The following PTPRM variants were observed in gnomAD, a reference collection of about 807,000 sequenced individuals.
PTPRM encodes receptor-type tyrosine-protein phosphatase mu.
In PTPRM, 47 loss-of-function variants were observed where a neutral mutation model predicts 186.7. That is an observed-to-expected ratio of 0.25 (90% CI 0.20 to 0.32). The LOEUF is 0.32. Among genes scored for constraint, PTPRM ranks in the 10% least tolerant of loss-of-function variants. PTPRM has a pLI of 1.00. For synonymous variants in PTPRM, 668 were observed against 674.9 expected (o/e 0.99, Z 0.16); for missense variants, 1,494 against 1,865.0 (o/e 0.80, Z 3.66).
chr18:8,107,903 C>T (rs2091594122), intron 11 of PTPRM, among the ~76,000 whole-genome samples: 1 of 152,156 alleles, frequency 6.6e-6, no homozygotes, highest in Non-Finnish European at 1.5e-5. Flanking sequence ...TAATAACAAA[C>T]ACTGAATTCT....
intron 2 of PTPRM, among the ~76,000 whole-genome samples, chr18:7,849,366 C>T (rs2046755080): frequency 6.6e-6 from 1 of 152,230 alleles, no homozygotes; most frequent in Admixed American, 6.5e-5. Flanking sequence ...TGTGCTCATT[C>T]CCTGCCCTGG....
At chr18:8,150,355 T>G (rs1198615081) in intron 14 of PTPRM, among the ~76,000 whole-genome samples, 1 of 152,222 alleles carries the variant, frequency 6.6e-6, no homozygotes, top group East Asian at 1.9e-4. Context: ...TTTTATTCTT[T>G]TTTTCTCTAA....
intron 1 of PTPRM, among the ~76,000 whole-genome samples, chr18:7,608,847 G>T (rs2143827680): frequency 6.6e-6 from 1 of 152,240 alleles, no homozygotes; most frequent in Middle Eastern, 3.4e-3. Context: ...GAGCAGGGTG[G>T]GGTATGGGAT....
intron 22 of PTPRM, among the ~76,000 whole-genome samples, chr18:8,319,631 A>G (rs557616220): frequency 2.8e-4 from 42 of 152,326 alleles, no homozygotes; most frequent in Non-Finnish European, 4.6e-4. Flanking sequence ...ATGTGCAGTC[A>G]CCTGTATGTA....
chr18:7,766,565 G>C (rs989800786), intron 1 of PTPRM, among the ~76,000 whole-genome samples: 1 of 152,146 alleles, frequency 6.6e-6, no homozygotes, highest in Non-Finnish European at 1.5e-5. Context: ...TTATTCATAG[G>C]GAATGTTCTG....
At chr18:7,801,142 C>G (rs1050599171) in intron 2 of PTPRM, among the ~76,000 whole-genome samples, 1 of 152,044 alleles carries the variant, frequency 6.6e-6, no homozygotes, top group South Asian at 2.1e-4. Flanking sequence ...ATAAATTAAC[C>G]TTAGCCTACT....
At chr18:7,614,836 T>G (rs896884539) in intron 1 of PTPRM, among the ~76,000 whole-genome samples, 1 of 151,834 alleles carries the variant, frequency 6.6e-6, no homozygotes, top group Non-Finnish European at 1.5e-5. Context: ...AGAGTTGTTT[T>G]TGACTCCAGG....
chr18:7,947,008 G>T, intron 5 of PTPRM: 1 of 456,198 alleles, frequency 2.2e-6, no homozygotes, highest in Non-Finnish European at 4.4e-6. Context: ...GAACATATGG[G>T]AGGCCTTGTG....
At chr18:8,078,354 A>T (rs949670326) in intron 9 of PTPRM, among the ~76,000 whole-genome samples, 1 of 152,152 alleles carries the variant, frequency 6.6e-6, no homozygotes, top group Non-Finnish European at 1.5e-5. Flanking sequence ...CAGATTCAGT[A>T]CCTCTCTGGA....
rs61189076 is a variant in PTPRM, at chr18:8,314,423, A to G, written c.2843-358A>G. Among the ~76,000 whole-genome samples the G allele has an allele frequency of 7.6e-3, 1,162 of 152,338 alleles. 13 individuals are homozygous for G. The highest frequency in any genetic ancestry group is 0.027 in the African/African-American group (1,123 of 41,578). On this transcript the variant is annotated intron_variant, in intron 20 of 32. Transcript: ENST00000580170. ...TGTCAAGGTGGGTGTCACAGCCTTC[A>G]ACATCTCAGGGTTTGTATGTGATTT...
chr18:7,723,485 C>T (rs1203980343), intron 1 of PTPRM, among the ~76,000 whole-genome samples: 1 of 152,160 alleles, frequency 6.6e-6, no homozygotes, highest in African/African-American at 2.4e-5. Flanking sequence ...GAGGGTCCCA[C>T]TCCATGGAGA....
intron 24 of PTPRM, among the ~76,000 whole-genome samples, chr18:8,373,252 CA>C (rs754351647): frequency 3.3e-5 from 5 of 152,184 alleles, no homozygotes; most frequent in Non-Finnish European, 7.3e-5. Context: ...GAGATGCCTG[CA>C]ATTCTGATTC....
At chr18:7,835,318 T>G (rs924555024) in intron 2 of PTPRM, among the ~76,000 whole-genome samples, 5 of 152,062 alleles carry the variant, frequency 3.3e-5, no homozygotes, top group Non-Finnish European at 7.4e-5. Flanking sequence ...TTTAATTTCC[T>G]TCTTAATTTC....
chr18:7,690,213 T>C (rs2039703205), intron 1 of PTPRM, among the ~76,000 whole-genome samples: 1 of 152,210 alleles, frequency 6.6e-6, no homozygotes, highest in Non-Finnish European at 1.5e-5. Flanking sequence ...TAAATACACA[T>C]AGATTCACAA....
chr18:8,129,608 T>G (rs1266818259), intron 13 of PTPRM, among the ~76,000 whole-genome samples: 1 of 152,218 alleles, frequency 6.6e-6, no homozygotes, highest in African/African-American at 2.4e-5. Flanking sequence ...GACTTTGGAT[T>G]TAGGCTCTCT....
chr18:8,188,648 A>G (rs1379224486), intron 14 of PTPRM, among the ~76,000 whole-genome samples: 1 of 152,188 alleles, frequency 6.6e-6, no homozygotes, highest in East Asian at 1.9e-4. Context: ...GAAGACCATC[A>G]AGTTGATGGT....
chr18:7,774,077 C>T, intron 1 of PTPRM, 72 bp from the exon 2 acceptor site: 2 of 1,466,568 alleles, frequency 1.4e-6, no homozygotes, highest in Non-Finnish European at 1.9e-6. Flanking sequence ...TCTAAGGCTT[C>T]CTGCAATCAT....
At chr18:7,646,350 C>T (rs530512637) in intron 1 of PTPRM, among the ~76,000 whole-genome samples, 1 of 152,288 alleles carries the variant, frequency 6.6e-6, no homozygotes, top group African/African-American at 2.4e-5. Flanking sequence ...TCCTCATTGC[C>T]TCTGGGCTTT....
At chr18:7,760,003 G>GT (rs2041692039) in intron 1 of PTPRM, among the ~76,000 whole-genome samples, 1 of 152,078 alleles carries the variant, frequency 6.6e-6, no homozygotes. Context: ...ATGTAGGATT[G>GT]ACAATCCTAG....
Sources: allele counts gnomAD v4.1 joint callset (sites outside exome capture counted in the v4.1 genomes callset), GRCh38; gene constraint gnomAD v4.1.1; transcripts MANE v1.5; gene names NCBI Gene and HGNC (gene_info 2026-07-23, HGNC 2026-07-21).